Variants in RRM1 observed in about 807,000 individuals in gnomAD.
RRM1 encodes ribonucleotide reductase catalytic subunit M1, also known as ribonucleoside-diphosphate reductase large subunit.
In RRM1, 19 loss-of-function variants were observed where a neutral mutation model predicts 101.5. That is an observed-to-expected ratio of 0.19 (90% CI 0.13 to 0.27). The LOEUF (loss-of-function observed/expected upper bound fraction) is 0.27, where lower values mean the gene tolerates loss of function less well. RRM1 is among the 10% of genes least tolerant of loss of function. The pLI is 1.00. For synonymous variants in RRM1, 298 were observed against 323.4 expected, an observed-to-expected ratio of 0.92 and a Z score of 0.84; for missense variants, 500 against 962.9, an observed-to-expected ratio of 0.52 and a Z score of 6.36.
At chr11:4,130,082 ATATATTTTTTTT>A (rs2094596911) in intron 15 of RRM1, among the ~76,000 whole-genome samples, 2 of 96,904 alleles carry the variant, frequency 2.1e-5, no homozygotes, top group South Asian at 7.0e-4. Context: ...ATATATATAT[ATATATTTTTTTT>A]TTTTTTTTTT....
chr11:4,132,516 G>C lies in RRM1; in HGVS notation c.1905+95G>C. 1 of 1,349,794 alleles carries C rather than the reference G, an allele frequency of 7.4e-7. No individual in the cohort carries two copies. The highest frequency in any genetic ancestry group is 1.9e-5 in the Admixed American group (1 of 53,142). 83.6% of individuals were successfully genotyped at this position (1,349,794 alleles called of 1,614,324 possible). On this transcript the variant is annotated intron_variant, in intron 16 of 18. Coordinates refer to ENST00000300738, the MANE Select transcript of RRM1 (RefSeq NM_001033.5). The surrounding 1 kb of genome is among the most constrained non-coding windows in gnomAD (Gnocchi z 4.1). The stretch of plus-strand genomic sequence containing the variant: ...CATGTTTAATTTGCCCATTTTCTTA[G>C]TTTGGGTGCAAACTTTGATAAAGAC...
At chr11:4,110,373 G>C (rs1293971929) in intron 5 of RRM1, among the ~76,000 whole-genome samples, 1 of 151,912 alleles carries the variant, frequency 6.6e-6, no homozygotes. Flanking sequence ...GTCTGGTCTT[G>C]AACTCCTGAC....
At chr11:4,122,025 C>G in intron 10 of RRM1, 116 bp from the exon 11 acceptor site, 1 of 830,260 alleles carries the variant, frequency 1.2e-6, no homozygotes, top group Non-Finnish European at 1.9e-6. Context: ...ATGATTATTT[C>G]TACAGCAAAT....
chr11:4,130,691 CA>C (rs904764760), intron 15 of RRM1, among the ~76,000 whole-genome samples: 6 of 151,472 alleles, frequency 4.0e-5, no homozygotes, highest in African/African-American at 1.5e-4. Context: ...GACTCTGTCT[CA>C]AAAAAAAGAC....
At chr11:4,106,935 C>T (rs2094559117) in intron 3 of RRM1, among the ~76,000 whole-genome samples, 2 of 151,964 alleles carry the variant, frequency 1.3e-5, no homozygotes, top group South Asian at 4.2e-4. Context: ...CTCTTATCGC[C>T]TAGGCTGGAG....
At chr11:4,112,208 T>C in intron 7 of RRM1, 146 bp downstream of exon 7, 1 of 611,200 alleles carries the variant, frequency 1.6e-6, no homozygotes, top group East Asian at 2.8e-5. Context: ...CTGACTGTAA[T>C]GTGGTAAATG....
Position 4,104,410 on chromosome 11 carries a change from G to T in RRM1, c.109-1636G>T, listed in dbSNP as rs542860785. Among the ~76,000 whole-genome samples the T allele has an allele frequency of 5.3e-5, 8 of 152,252 alleles. No individual in the cohort carries two copies. In the East Asian group the frequency reaches 1.5e-3, roughly 29 times the overall value. On this transcript the variant is annotated intron_variant, in intron 2 of 18. Coordinates refer to ENST00000300738, the MANE Select transcript of RRM1 (RefSeq NM_001033.5). Reference sequence around the variant, plus strand: ...CAGCTGGGAAACACATTTATTTTCTGTTGGATTAAGCGGTTTCTTAAAGAT... The same window carrying T: ...CAGCTGGGAAACACATTTATTTTCTTTTGGATTAAGCGGTTTCTTAAAGAT...
Position 4,113,869 on chromosome 11 carries a change from G to A in RRM1, c.650+1807G>A, listed in dbSNP as rs530614808. Reference sequence around the variant, plus strand: ...GGGCCAGGCGTGGTGGCTCACGCCTGTAATCCTAGCATGTTGGGAGGCCGA... The same window carrying A: ...GGGCCAGGCGTGGTGGCTCACGCCTATAATCCTAGCATGTTGGGAGGCCGA... On this transcript the variant is annotated intron_variant, in intron 7 of 18. Transcript: ENST00000300738. Among the ~76,000 whole-genome samples, 4 of 152,334 alleles carry A rather than the reference G, an allele frequency of 2.6e-5. No individual in the cohort carries two copies. In the South Asian group the frequency reaches 8.3e-4, roughly 32 times the overall value.
At chr11:4,114,384 T>G (rs1046193162) in intron 7 of RRM1, among the ~76,000 whole-genome samples, 14 of 151,502 alleles carry the variant, frequency 9.2e-5, no homozygotes, top group African/African-American at 3.4e-4. Context: ...AAACCCTGTC[T>G]CTACTAAAAA....
At chr11:4,094,694 C>G, upstream of RRM1, 2 of 493,520 alleles carry the variant, frequency 4.1e-6, no homozygotes, top group South Asian at 2.7e-5. Flanking sequence ...TCTTCTGGGT[C>G]TTGCCCAGAC....
chr11:4,126,436 A>G (rs1291941135), intron 12 of RRM1, among the ~76,000 whole-genome samples: 1 of 152,226 alleles, frequency 6.6e-6, no homozygotes, highest in Non-Finnish European at 1.5e-5. Flanking sequence ...GTACTGTGGA[A>G]CATAGGGTTC....
chr11:4,129,580 GTT>G (rs901488526), intron 15 of RRM1, among the ~76,000 whole-genome samples: 1 of 150,400 alleles, frequency 6.6e-6, no homozygotes, highest in African/African-American at 2.5e-5. Context: ...TTTTGGAAGA[GTT>G]TTTGGAGGGT....
chr11:4,133,697 G>A lies in RRM1; in HGVS notation c.2001+39G>A, dbSNP rs753718975. On this transcript the variant is annotated intron_variant, in intron 17 of 18. Coordinates refer to ENST00000300738, the MANE Select transcript of RRM1 (RefSeq NM_001033.5). ...ATGAAGTGTGCTCTGCAGGGGCTGAGTTGGACATTGTGGTACCTCCTCACT... is the reference window on the plus strand; with the variant it reads ...ATGAAGTGTGCTCTGCAGGGGCTGAATTGGACATTGTGGTACCTCCTCACT... 8 of 1,177,436 alleles carry A rather than the reference G, an allele frequency of 6.8e-6. No individual in the cohort carries two copies. The African/African-American group carries it at 9.1e-5, about 13-fold the overall frequency. The allele number at this position is 1,177,436 out of a possible 1,614,324, so 72.9% of individuals were successfully genotyped here.
At chr11:4,110,862 A>G (rs2094564466) in intron 5 of RRM1, among the ~76,000 whole-genome samples, 1 of 151,808 alleles carries the variant, frequency 6.6e-6, no homozygotes, top group African/African-American at 2.4e-5. Context: ...TCCCTGATGT[A>G]TATGTTGCTC....
chr11:4,123,376 A>G lies in RRM1; in HGVS notation c.1312A>G (p.Lys438Glu). The change falls in exon 12 of 19, where the codon AAA (lysine) becomes GAA (glutamate). Residue 438 changes from lysine (K) to glutamate (E), a missense_variant. Transcript: ENST00000300738. ...CACAGAAATAGTGGAGTACACCAGC[A>G]AAGATGAGGTAGGTAGAAAAAATTC... is the stretch of plus-strand genomic sequence containing the variant. ...LCTEIVEYTS[K>E]DEVAVCNLAS... is the part of the protein sequence containing the mutation. 6.2e-7 allele frequency: 1 copy of G among 1,613,910 alleles called. No individual in the cohort carries two copies. Among genetic ancestry groups the G allele is most frequent in the East Asian group, 2.2e-5 (1 of 44,874 alleles).
chr11:4,097,648 G>A (rs961255002), intron 1 of RRM1, among the ~76,000 whole-genome samples: 7 of 152,130 alleles, frequency 4.6e-5, no homozygotes, highest in African/African-American at 1.7e-4. Context: ...CTGGAGTGCA[G>A]TGGTGTGATC....
chr11:4,127,312 G>A (rs1448334095), intron 14 of RRM1, 56 bp downstream of exon 14: 7 of 1,108,828 alleles, frequency 6.3e-6, no homozygotes, highest in Non-Finnish European at 8.9e-6. Context: ...GGGCTGAATG[G>A]TGACCCCACA....
chr11:4,108,200 C>T (rs1351907518), intron 4 of RRM1, among the ~76,000 whole-genome samples: 7 of 152,256 alleles, frequency 4.6e-5, no homozygotes, highest in African/African-American at 1.7e-4. Flanking sequence ...AACTAGATGC[C>T]AGAGGACAGA....
In RRM1 at chr11:4,094,847, T is replaced by TG; in HGVS notation, c.-165dup. ...GGCGCGGGAAGGGGATTTGGATTGTTGCGCCTCTGCTCTGAAGAAAGTGCT... is the reference window on the plus strand; with the variant it reads ...GGCGCGGGAAGGGGATTTGGATTGTTGGCGCCTCTGCTCTGAAGAAAGTGCT... On this transcript the variant is annotated 5_prime_UTR_variant, in exon 1 of 19. Transcript: ENST00000300738. 1.5e-6 allele frequency: 1 copy of TG among 681,260 alleles called. No homozygotes were observed. The highest frequency in any genetic ancestry group is 2.6e-6 in the Non-Finnish European group (1 of 390,916). The allele number at this position is 681,260 out of a possible 1,614,324, so 42.2% of individuals were successfully genotyped here.
Sources: gnomAD v4.1 joint callset for allele counts (sites outside exome capture counted in the v4.1 genomes callset) on GRCh38, gnomAD v4.1.1 for gene constraint, Gnocchi (gnomAD v3.1) non-coding constraint, MANE v1.5 for transcripts, NCBI Gene and HGNC (gene_info 2026-07-23, HGNC 2026-07-21) for gene names.